Variants in FGGY observed in about 807,000 individuals in gnomAD.
FGGY encodes FGGY carbohydrate kinase domain-containing protein.
FGGY carries 72 observed loss-of-function variants against 71.3 expected under a neutral mutation model. That is an observed-to-expected ratio of 1.01 (90% confidence interval 0.84 to 1.23). The LOEUF (loss-of-function observed/expected upper bound fraction) is 1.23. FGGY is among the 50% of genes most tolerant of loss of function. The probability of loss-of-function intolerance (pLI) is 0.00; values close to 1 mark genes in which losing one functional copy is unlikely to be tolerated. For synonymous variants in FGGY, 251 were observed against 250.3 expected (o/e 1.00, Z -0.02); for missense variants, 668 against 682.3 (o/e 0.98, Z 0.23).
chr1:59,450,916 A>T (rs12142324), intron 5 of FGGY, among the ~76,000 whole-genome samples: 56,565 of 151,930 alleles, frequency 0.37, 11,328 homozygotes, highest in Middle Eastern at 0.51. Flanking sequence ...ACATTTTAAA[A>T]AATCTGAATT....
chr1:59,524,892 AC>A (rs2094934733), intron 7 of FGGY, among the ~76,000 whole-genome samples: 2 of 152,220 alleles, frequency 1.3e-5, no homozygotes, highest in South Asian at 4.1e-4. Context: ...GAGCTGTAAT[AC>A]AAACAAGGCT....
chr1:59,665,423 C>G (rs1428490837), intron 12 of FGGY, among the ~76,000 whole-genome samples: 3 of 152,130 alleles, frequency 2.0e-5, no homozygotes, highest in Admixed American at 6.5e-5. Flanking sequence ...CCCTCAAGAC[C>G]TCTGGGCTAG....
intron 7 of FGGY, among the ~76,000 whole-genome samples, chr1:59,516,157 C>CA (rs1290591489): frequency 2.0e-5 from 3 of 152,106 alleles, no homozygotes; most frequent in Non-Finnish European, 4.4e-5. Flanking sequence ...TTGGATATCT[C>CA]AAAAAAATTA....
intron 6 of FGGY, among the ~76,000 whole-genome samples, chr1:59,501,234 T>C (rs1363048631): frequency 1.3e-5 from 2 of 152,178 alleles, no homozygotes; most frequent in Non-Finnish European, 2.9e-5. Context: ...AAAGGAAGTG[T>C]ATTTACCTTA....
chr1:59,658,148 G>T (rs921943920), intron 11 of FGGY, among the ~76,000 whole-genome samples: 1 of 152,198 alleles, frequency 6.6e-6, no homozygotes, highest in African/African-American at 2.4e-5. Context: ...GCTTTGGTGA[G>T]TAAGACGAGC....
chr1:59,401,105 A>G (rs979670055), intron 5 of FGGY, among the ~76,000 whole-genome samples: 2 of 152,208 alleles, frequency 1.3e-5, no homozygotes, highest in Non-Finnish European at 2.9e-5. Flanking sequence ...TTCGTCAAGT[A>G]GCTAATACTC....
intron 14 of FGGY, among the ~76,000 whole-genome samples, chr1:59,742,676 A>G (rs2098161161): frequency 1.3e-5 from 2 of 152,190 alleles, no homozygotes. Flanking sequence ...TGCCTGAAAA[A>G]TTGGCACTGT....
At chr1:59,394,278 CTATTGTACTTAATCTCA>C (rs2061050292) in intron 5 of FGGY, among the ~76,000 whole-genome samples, 4 of 152,176 alleles carry the variant, frequency 2.6e-5, no homozygotes, top group Admixed American at 2.6e-4. Flanking sequence ...ATAAATATCA[CTATTGTACTTAATCTCA>C]TATTCATAAT....
chr1:59,470,809 T>C (rs2092903535), intron 6 of FGGY, among the ~76,000 whole-genome samples: 1 of 152,248 alleles, frequency 6.6e-6, no homozygotes, highest in Non-Finnish European at 1.5e-5. Flanking sequence ...TTTACAAGGA[T>C]TCATGTCTTC....
chr1:59,502,609 T>G (rs2094259838), intron 6 of FGGY, among the ~76,000 whole-genome samples: 1 of 152,194 alleles, frequency 6.6e-6, no homozygotes, highest in Non-Finnish European at 1.5e-5. Flanking sequence ...TTGCCCTGGC[T>G]TAGATGAGCT....
chr1:59,376,768 T>G (rs1407971340), intron 4 of FGGY, among the ~76,000 whole-genome samples: 1 of 152,220 alleles, frequency 6.6e-6, no homozygotes, highest in African/African-American at 2.4e-5. Flanking sequence ...CTCCTATGCT[T>G]ATAATTCCTT....
intron 9 of FGGY, among the ~76,000 whole-genome samples, chr1:59,611,228 T>C (rs2096674047): frequency 6.6e-6 from 1 of 152,190 alleles, no homozygotes; most frequent in South Asian, 2.1e-4. Flanking sequence ...AGTGGGACCC[T>C]GACCCCCTCA....
intron 14 of FGGY, chr1:59,755,454 C>T (rs904713649): frequency 1.7e-4 from 26 of 152,176 alleles, no homozygotes; most frequent in African/African-American, 4.8e-4. Context: ...CTATGATAGA[C>T]GGAAGCAGAA....
chr1:59,478,529 C>T (rs549397161), intron 6 of FGGY, among the ~76,000 whole-genome samples: 4 of 152,188 alleles, frequency 2.6e-5, no homozygotes, highest in Admixed American at 2.6e-4. Context: ...AGTAGGTACT[C>T]AATAGATATT....
chr1:59,745,788 AG>A (rs1221941687), intron 14 of FGGY, among the ~76,000 whole-genome samples: 17 of 152,378 alleles, frequency 1.1e-4, no homozygotes, highest in African/African-American at 3.6e-4. Context: ...AGAGCCAGAC[AG>A]GGCACATGAA....
chr1:59,695,847 A>G (rs2097653218), intron 14 of FGGY, among the ~76,000 whole-genome samples: 1 of 152,132 alleles, frequency 6.6e-6, no homozygotes, highest in Admixed American at 6.6e-5. Flanking sequence ...CTTAAATGAC[A>G]TATTATCCTG....
chr1:59,366,100 A>C (rs1040640665), intron 4 of FGGY, among the ~76,000 whole-genome samples: 11 of 152,208 alleles, frequency 7.2e-5, no homozygotes, highest in Non-Finnish European at 1.3e-4. Flanking sequence ...CATTAAAATG[A>C]TAGCATATTT....
At chr1:59,730,017 CTT>C (rs1237847799) in intron 14 of FGGY, among the ~76,000 whole-genome samples, 2 of 152,172 alleles carry the variant, frequency 1.3e-5, no homozygotes, top group African/African-American at 2.4e-5. Context: ...ATTCTTGACT[CTT>C]TGGATTCCTG....
intron 8 of FGGY, among the ~76,000 whole-genome samples, chr1:59,559,139 A>G: frequency 1.3e-5 from 2 of 152,228 alleles, no homozygotes; most frequent in East Asian, 3.8e-4. Flanking sequence ...GTACATTCTC[A>G]GCTTATGAAG....
Sources: allele counts gnomAD v4.1 joint callset (sites outside exome capture counted in the v4.1 genomes callset), GRCh38; gene constraint gnomAD v4.1.1; transcripts MANE v1.5; gene names NCBI Gene and HGNC (gene_info 2026-07-23, HGNC 2026-07-21).